AKAP7: variants seen among roughly 807,000 people sequenced by gnomAD.
AKAP7 encodes A kinase (PRKA) anchor protein 7.
A neutral mutation model predicts 39.5 loss-of-function variants in AKAP7; 39 were observed. The observed-to-expected ratio is 0.99, with a 90% CI of 0.76 to 1.29. The LOEUF (loss-of-function observed/expected upper bound fraction) is 1.29. AKAP7 is among the 50% of genes most tolerant of loss of function. The pLI, the probability that AKAP7 is intolerant of heterozygous loss-of-function variation, is 0.00. For missense variants in AKAP7, 414 were observed against 407.7 expected, an observed-to-expected ratio of 1.02 and a Z score of -0.13; for synonymous variants, 140 against 139.1, an observed-to-expected ratio of 1.01 and a Z score of -0.05.
intron 7 of AKAP7, among the ~76,000 whole-genome samples, chr6:131,245,413 T>A (rs1461558642): frequency 4.4e-5 from 3 of 68,116 alleles, no homozygotes; most frequent in Non-Finnish European, 1.1e-4. Context: ...CCCAGCTACG[T>A]TTTTTTTTTT....
At chr6:131,185,097 C>A in intron 5 of AKAP7, 3 of 664,274 alleles carry the variant, frequency 4.5e-6, no homozygotes, top group South Asian at 4.2e-5. Flanking sequence ...ATCTGGGGTA[C>A]CTCGCTTCCC....
At chr6:131,138,347 C>A (rs1189158245) in intron 1 of AKAP7, among the ~76,000 whole-genome samples, 1 of 152,138 alleles carries the variant, frequency 6.6e-6, no homozygotes, top group East Asian at 1.9e-4. Flanking sequence ...TACCATATTT[C>A]CTTTTTCCAT....
At chr6:131,191,164 TAGTA>T (rs1418225297) in intron 5 of AKAP7, among the ~76,000 whole-genome samples, 5 of 152,328 alleles carry the variant, frequency 3.3e-5, no homozygotes, top group African/African-American at 9.6e-5. Flanking sequence ...CTTAGGAACA[TAGTA>T]AGTTAGTCCA....
chr6:131,143,735 ATTC>A (rs1429473460), intron 1 of AKAP7, among the ~76,000 whole-genome samples: 3 of 131,510 alleles, frequency 2.3e-5, no homozygotes, highest in Non-Finnish European at 4.8e-5. Context: ...TTGTAGCCAT[ATTC>A]TTTTTTTTTT....
In AKAP7 at chr6:131,199,465, T is replaced by C; in HGVS notation, c.594T>C (p.Thr198=). The stretch of plus-strand genomic sequence containing the variant: ...GTTTCTCTTTATTTTCTTCAGAGAC[T>C]GCAAATAGGACATTTCAAGAAAAAG... ...HVNSLLEIAE[T]ANRTFQEKGI... The change falls in exon 6 of 8, where the codon ACT becomes ACC. Residue 198 remains threonine, a synonymous_variant. Coordinates refer to ENST00000431975, the MANE Select transcript of AKAP7 (RefSeq NM_016377.4). 1 of 1,583,022 alleles carries C rather than the reference T, an allele frequency of 6.3e-7. No individual in the cohort carries two copies. Among genetic ancestry groups the C allele is most frequent in the Non-Finnish European group, 8.7e-7 (1 of 1,154,946 alleles).
At position 131,265,418 on chromosome 6, in the gene AKAP7, T is replaced by G. The variant is rs542692021; in HGVS notation, c.851-16112T>G. 5.9e-5 allele frequency among the ~76,000 whole-genome samples: 9 copies of G among 152,232 alleles called. No homozygotes were observed. In the South Asian group the frequency reaches 1.5e-3, roughly 25 times the overall value. ...CCAAAGTTCTGGGATTGCAGGCAGC[T>G]TTATATGATTTTCTTACTTAATTTT... On this transcript the variant is annotated intron_variant, in intron 7 of 7. Coordinates refer to ENST00000431975, the MANE Select transcript of AKAP7 (RefSeq NM_016377.4).
At chr6:131,189,355 G>A (rs1322894585) in intron 5 of AKAP7, among the ~76,000 whole-genome samples, 1 of 152,136 alleles carries the variant, frequency 6.6e-6, no homozygotes, top group Non-Finnish European at 1.5e-5. Flanking sequence ...TAGCATTCTA[G>A]ACTATTCTTA....
the AKAP7 span, among the ~76,000 whole-genome samples, chr6:131,130,110 T>C: frequency 2.8e-4 from 43 of 152,216 alleles, no homozygotes; most frequent in Non-Finnish European, 8.8e-5. Flanking sequence ...TGTGGCAATC[T>C]GAACCTGAAC....
rs540911885 is a variant in AKAP7 at position 131,226,440 on chromosome 6, C to T, written c.850+6632C>T. On this transcript the variant is annotated intron_variant, in intron 7 of 7. Transcript: ENST00000431975. The stretch of plus-strand genomic sequence containing the variant: ...CATTGGGCTATAACTGTGCAAACCG[C>T]ACTGCACTAATCAGCTAAAATTCAA... Among the ~76,000 whole-genome samples the T allele has an allele frequency of 4.6e-5, 7 of 152,304 alleles. No individual in the cohort carries two copies. The East Asian group carries it at 1.3e-3, about 29-fold the overall frequency.
intron 5 of AKAP7, among the ~76,000 whole-genome samples, chr6:131,193,585 A>G (rs1010317553): frequency 1.3e-5 from 2 of 152,114 alleles, no homozygotes; most frequent in African/African-American, 4.8e-5. Context: ...TGAGTTTGGA[A>G]GTATTCCCTC....
chr6:131,222,926 C>A lies in AKAP7; in HGVS notation c.850+3118C>A, dbSNP rs150152518. Among the ~76,000 whole-genome samples, 747 of 152,246 alleles carry A rather than the reference C, an allele frequency of 4.9e-3. 8 individuals carry two copies. The highest frequency in any genetic ancestry group is 0.017 in the African/African-American group (710 of 41,546). On this transcript the variant is annotated intron_variant, in intron 7 of 7. Coordinates refer to ENST00000431975, the MANE Select transcript of AKAP7 (RefSeq NM_016377.4). ...TTATTGTCTTATTTTAAGAAATTGC[C>A]ACAACCACTCGAACCTCCAGCAAGT...
In AKAP7 at chr6:131,145,222, A is replaced by G. The variant is rs1220778724; in HGVS notation, c.20-63A>G. 6.5e-5 allele frequency: 73 copies of G among 1,130,854 alleles called. 1 individual carries two copies. In the Admixed American group the frequency reaches 2.3e-3, roughly 36 times the overall value. 70.1% of individuals were successfully genotyped at this position (1,130,854 alleles called of 1,614,324 possible). A position where few individuals can be genotyped will look rare whatever the true frequency, so the allele number is the denominator to read the frequency against. On this transcript the variant is annotated intron_variant, in intron 1 of 7. Coordinates refer to ENST00000431975, the MANE Select transcript of AKAP7 (RefSeq NM_016377.4). ...TCAGTGAGCTGAGTTATTTTCATTT[A>G]GGATATGTTTAAATAATGACAAGTT...
intron 5 of AKAP7, among the ~76,000 whole-genome samples, chr6:131,187,734 A>G (rs1373446077): frequency 1.3e-5 from 2 of 152,240 alleles, no homozygotes; most frequent in South Asian, 2.1e-4. Flanking sequence ...TGATGTACAC[A>G]TAAAAGTTTA....
At chr6:131,239,637 C>T (rs1255546777) in intron 7 of AKAP7, among the ~76,000 whole-genome samples, 1 of 152,188 alleles carries the variant, frequency 6.6e-6, no homozygotes, top group Non-Finnish European at 1.5e-5. Context: ...AACTTCTCTT[C>T]TCGCTTCATT....
intron 7 of AKAP7, among the ~76,000 whole-genome samples, chr6:131,224,183 A>G (rs1809950886): frequency 6.6e-6 from 1 of 152,364 alleles, no homozygotes; most frequent in South Asian, 2.1e-4. Context: ...ATTTATTGTT[A>G]TAATTAACCA....
chr6:131,142,137 G>A (rs1303895818), intron 1 of AKAP7, among the ~76,000 whole-genome samples: 2 of 152,172 alleles, frequency 1.3e-5, no homozygotes, highest in Non-Finnish European at 2.9e-5. Flanking sequence ...GAAGCAAAAA[G>A]CATTTTCAGG....
chr6:131,190,607 T>A (rs1232188413), intron 5 of AKAP7, among the ~76,000 whole-genome samples: 1 of 150,940 alleles, frequency 6.6e-6, no homozygotes, highest in Non-Finnish European at 1.5e-5. Flanking sequence ...ATTGTACCAT[T>A]GCAATACAGC....
At position 131,165,118 on chromosome 6, in the gene AKAP7, TACA is replaced by T. The variant is rs1803354582; in HGVS notation, c.334_336del (p.Gln112del). The T allele has an allele frequency of 2.5e-6, 4 of 1,611,474 alleles. No homozygotes were observed. Among genetic ancestry groups the T allele is most frequent in the African/African-American group, 1.3e-5 (1 of 74,834 alleles). On this transcript the variant is annotated inframe_deletion, in exon 4 of 8. Coordinates refer to ENST00000431975, the MANE Select transcript of AKAP7 (RefSeq NM_016377.4). ...ATTAAGATCCTGCAGAATGCAATAA[TACA>T]ACAAGATGAGCGACTGGCCAAAGCA...
chr6:131,154,989 T>G (rs1434736652), intron 2 of AKAP7, among the ~76,000 whole-genome samples: 1 of 150,312 alleles, frequency 6.7e-6, no homozygotes, highest in Non-Finnish European at 1.5e-5. Context: ...ATTAAGTTTC[T>G]GACATTTGTA....
Sources: allele counts gnomAD v4.1 joint callset (sites outside exome capture counted in the v4.1 genomes callset), GRCh38; gene constraint gnomAD v4.1.1; transcripts MANE v1.5; gene names NCBI Gene and HGNC (gene_info 2026-07-23, HGNC 2026-07-21).